KCTD14: variants seen among roughly 807,000 people sequenced by gnomAD.
The protein encoded by KCTD14 is BTB/POZ domain-containing protein KCTD14.
A neutral mutation model predicts 5.9 loss-of-function variants in KCTD14; 7 were observed. The observed-to-expected ratio is 1.19, with a 90% CI of 0.68 to 2.23. KCTD14 has a LOEUF of 2.23. Ranked by LOEUF, KCTD14 falls within the 30% of genes most tolerant of loss-of-function variation. The probability of loss-of-function intolerance (pLI) is 0.00; values close to 1 mark genes in which losing one functional copy is unlikely to be tolerated. For missense variants in KCTD14, 342 were observed against 332.2 expected, an observed-to-expected ratio of 1.03 and a Z score of -0.23; for synonymous variants, 140 against 133.1, an observed-to-expected ratio of 1.05 and a Z score of -0.36.
Position 78,016,127 on chromosome 11 carries a change from G to C in KCTD14, c.*466C>G. 1 of 177,002 alleles carries C rather than the reference G, an allele frequency of 5.6e-6. No individual in the cohort carries two copies. 11.0% of individuals were successfully genotyped at this position (177,002 alleles called of 1,614,324 possible). A position where few individuals can be genotyped will look rare whatever the true frequency, so the allele number is the denominator to read the frequency against. The stretch of plus-strand genomic sequence containing the variant: ...AGAAGAGGACAGCTCTGAGGTGTTA[G>C]CACCCACAGCATCTCGCAAAGGGGA... On this transcript the variant is annotated 3_prime_UTR_variant, in exon 2 of 2. Coordinates refer to ENST00000353172, the MANE Select transcript of KCTD14 (RefSeq NM_023930.4).
upstream of KCTD14, among the ~76,000 whole-genome samples, chr11:78,027,449 GC>G (rs1565312859): frequency 6.8e-6 from 1 of 146,498 alleles, no homozygotes; most frequent in Non-Finnish European, 1.5e-5. Flanking sequence ...TACAACCTCT[GC>G]CTCCCAAGTT....
upstream of KCTD14, among the ~76,000 whole-genome samples, chr11:78,026,682 T>C (rs1184539408): frequency 3.3e-5 from 5 of 151,986 alleles, no homozygotes. Context: ...GGCAAGAGGA[T>C]CTCTTGAGCC....
In KCTD14 at chr11:78,037,245, G is replaced by A. The variant is rs140205160; in HGVS notation, c.-1+1419C>T. Among the ~76,000 whole-genome samples, 966 of 152,326 alleles carry A rather than the reference G, an allele frequency of 6.3e-3. 10 individuals carry two copies. Among genetic ancestry groups the A allele is most frequent in the African/African-American group, 0.022 (925 of 41,568 alleles). ...CCGGGGCCAGCCACTCTCAGACCTC[G>A]TGGGCACACGCCCTCCCAGCCCAGC... On this transcript the variant is annotated intron_variant, in intron 2 of 2. Coordinates refer to the KCTD14 transcript ENST00000533144.
chr11:78,033,901 G>GTGTGTACATATATATATATATA, intron 2 of KCTD14, among the ~76,000 whole-genome samples: 18 of 115,590 alleles, frequency 1.6e-4, no homozygotes, highest in African/African-American at 5.6e-4. Context: ...GTGTGTGTGT[G>GTGTGTACATATATATATATATA]TATATATATA....
chr11:78,027,915 T>G (rs142427763), upstream of KCTD14, among the ~76,000 whole-genome samples: 1 of 152,036 alleles, frequency 6.6e-6, no homozygotes, highest in South Asian at 2.1e-4. Flanking sequence ...GTTCTGTCAG[T>G]CTTAAGGTCT....
At chr11:78,032,728 A>G (rs1273503897) in intron 2 of KCTD14, among the ~76,000 whole-genome samples, 7 of 136,822 alleles carry the variant, frequency 5.1e-5, no homozygotes, top group Non-Finnish European at 1.1e-4. Context: ...TTTTTGAGAC[A>G]GCATCTCAAT....
upstream of KCTD14, among the ~76,000 whole-genome samples, chr11:78,025,476 C>A (rs191820583): frequency 9.1e-4 from 139 of 152,270 alleles, no homozygotes; most frequent in African/African-American, 3.2e-3. Flanking sequence ...AACACCCTCA[C>A]AGGCACACCC....
chr11:78,025,116 GTGTATATATA>G (rs1393166526), upstream of KCTD14, among the ~76,000 whole-genome samples: 77 of 68,552 alleles, frequency 1.1e-3, no homozygotes, highest in South Asian at 6.8e-3. Flanking sequence ...GTGTGTGTGT[GTGTATATATA>G]TATATATATA....
At chr11:78,024,974 A>C (rs1342350767), upstream of KCTD14, among the ~76,000 whole-genome samples, 1 of 147,790 alleles carries the variant, frequency 6.8e-6, no homozygotes, top group Non-Finnish European at 1.5e-5. Flanking sequence ...AATAAAACTA[A>C]TGGTATATAT....
At chr11:78,044,317 C>T (rs191259451) in intron 1 of KCTD14, among the ~76,000 whole-genome samples, 13 of 152,246 alleles carry the variant, frequency 8.5e-5, no homozygotes, top group Admixed American at 6.5e-4. Flanking sequence ...GCACTGCCAG[C>T]TGTGTGCTTC....
chr11:78,037,623 A>G (rs1156600869), intron 2 of KCTD14, among the ~76,000 whole-genome samples: 2 of 152,266 alleles, frequency 1.3e-5, no homozygotes, highest in African/African-American at 4.8e-5. Flanking sequence ...GCCTCCAGCC[A>G]GCCTGGCCAA....
intron 2 of KCTD14, among the ~76,000 whole-genome samples, chr11:78,033,137 A>G (rs1215247159): frequency 1.3e-5 from 2 of 152,224 alleles, no homozygotes; most frequent in African/African-American, 2.4e-5. Flanking sequence ...TGGTGTCAGC[A>G]TAAGCCCTTG....
chr11:78,017,226 G>C lies in KCTD14; in HGVS notation c.135C>G (p.Thr45=). 6.2e-7 allele frequency: 1 copy of C among 1,609,744 alleles called. No homozygotes were observed. The highest frequency in any genetic ancestry group is 8.5e-7 in the Non-Finnish European group (1 of 1,176,482). The change falls in exon 2 of 2, where the codon ACC becomes ACG. Residue 45 remains threonine (T), a synonymous_variant. Coordinates refer to ENST00000353172, the MANE Select transcript of KCTD14 (RefSeq NM_023930.4). Reference sequence around the variant, plus strand: ...ACTTCCTCAGGGTACCCAGGGTGGTGGTGTGGAACTCACCCCCGACGTTCA... The same window carrying C: ...ACTTCCTCAGGGTACCCAGGGTGGTCGTGTGGAACTCACCCCCGACGTTCA... ...VELNVGGEFH[T]TTLGTLRKFP...
At chr11:78,042,859 G>T (rs11602478) in intron 1 of KCTD14, among the ~76,000 whole-genome samples, 25 of 152,276 alleles carry the variant, frequency 1.6e-4, no homozygotes, top group African/African-American at 5.8e-4. Flanking sequence ...TTTACATAGG[G>T]CACAAAAGAT....
At position 78,016,767 on chromosome 11, in the gene KCTD14, AAC is replaced by A; in HGVS notation, c.592_593del (p.Val198CysfsTer24). On this transcript the variant is annotated frameshift_variant, in exon 2 of 2. Transcript: ENST00000353172. LOFTEE classifies it low-confidence loss of function (END_TRUNC). ...CCGCCTTCCAGGGCCCAAACTTGAC[AAC>A]AGACTTGAACATCTTCTTATCCTGC... is the stretch of plus-strand genomic sequence containing the variant. The part of the protein sequence containing the change: ...FLQDKKMFKS[V>X]VKFGPWKAVL... 1 of 1,614,172 alleles carries A rather than the reference AAC, an allele frequency of 6.2e-7. No homozygotes were observed. Among genetic ancestry groups the A allele is most frequent in the Non-Finnish European group, 8.5e-7 (1 of 1,180,000 alleles).
At chr11:78,025,184 C>T (rs999207684), upstream of KCTD14, among the ~76,000 whole-genome samples, 4 of 143,450 alleles carry the variant, frequency 2.8e-5, no homozygotes, top group African/African-American at 1.0e-4. Flanking sequence ...TATTAACTCA[C>T]ACAATCACAA....
Position 78,039,012 on chromosome 11 carries a change from C to T in KCTD14, c.-95-254G>A, listed in dbSNP as rs552678954. Among the ~76,000 whole-genome samples, 5 of 150,504 alleles carry T rather than the reference C, an allele frequency of 3.3e-5. No homozygotes were observed. The South Asian group carries it at 1.0e-3, about 32-fold the overall frequency. ...CTGCCTAAAACTCATGGGAATTTCC[C>T]CAGAAGGGAGAATATGGGGCTAGGA... is the stretch of plus-strand genomic sequence containing the variant. On this transcript the variant is annotated intron_variant, in intron 1 of 2. Coordinates refer to the KCTD14 transcript ENST00000533144.
rs572196100 is a variant in KCTD14, at chr11:78,034,668, C to A, written c.-1+3996G>T. The stretch of plus-strand genomic sequence containing the variant: ...GGCTAAGTAATCTTTCAGGTCCCTT[C>A]AGTGCAGAGGTGGGAACGGACAGCC... On this transcript the variant is annotated intron_variant, in intron 2 of 2. Transcript: ENST00000533144. Among the ~76,000 whole-genome samples, 43 of 152,178 alleles carry A rather than the reference C, an allele frequency of 2.8e-4. 1 individual carries two copies. The South Asian group carries it at 8.5e-3, about 30-fold the overall frequency.
At chr11:78,022,069 C>G (rs1439634828) in intron 1 of KCTD14, among the ~76,000 whole-genome samples, 1 of 152,326 alleles carries the variant, frequency 6.6e-6, no homozygotes, top group African/African-American at 2.4e-5. Context: ...TATACTTCCA[C>G]TGGCCTGGCA....
Sources: gnomAD v4.1 joint callset for allele counts (sites outside exome capture counted in the v4.1 genomes callset) on GRCh38, gnomAD v4.1.1 for gene constraint, MANE v1.5 for transcripts, NCBI Gene and HGNC (gene_info 2026-07-23, HGNC 2026-07-21) for gene names.